Variants in SV2C observed in about 807,000 individuals in gnomAD.
SV2C encodes the protein solute carrier family 22 member B3.
In SV2C, 49 loss-of-function variants were observed where a neutral mutation model predicts 79.7. The observed-to-expected ratio is 0.61, with a 90% CI of 0.49 to 0.78. SV2C has a LOEUF of 0.78. SV2C is among the 30% of genes least tolerant of loss of function. The pLI is 0.00. For missense variants in SV2C, 833 were observed against 912.9 expected (o/e 0.91, Z 1.13); for synonymous variants, 334 against 333.2 (o/e 1.00, Z -0.03).
At chr5:75,950,990 C>A in the SV2C span, among the ~76,000 whole-genome samples, 2 of 151,968 alleles carry the variant, frequency 1.3e-5, no homozygotes, top group African/African-American at 4.8e-5. Flanking sequence ...AAACTAGATT[C>A]CGCTATGCTG....
At chr5:76,224,677 G>A (rs1047014436) in intron 4 of SV2C, among the ~76,000 whole-genome samples, 1 of 151,984 alleles carries the variant, frequency 6.6e-6, no homozygotes, top group Non-Finnish European at 1.5e-5. Context: ...CATATCTTAG[G>A]GTACAAGTTG....
the SV2C span, among the ~76,000 whole-genome samples, chr5:76,062,186 G>C: frequency 6.6e-6 from 1 of 152,130 alleles, no homozygotes; most frequent in South Asian, 2.1e-4. Context: ...TGGTATTATG[G>C]TTTGAATGTT....
chr5:76,055,265 C>T, the SV2C span, among the ~76,000 whole-genome samples: 1 of 152,078 alleles, frequency 6.6e-6, no homozygotes, highest in Non-Finnish European at 1.5e-5. Context: ...AATCCTTTCC[C>T]CATTGCTTGT....
At chr5:76,039,574 G>A in the SV2C span, among the ~76,000 whole-genome samples, 28 of 151,992 alleles carry the variant, frequency 1.8e-4, no homozygotes, top group Non-Finnish European at 3.8e-4. Flanking sequence ...TGGACAACAT[G>A]GTGAAACCCT....
chr5:76,032,516 C>A, the SV2C span, among the ~76,000 whole-genome samples: 3 of 151,980 alleles, frequency 2.0e-5, no homozygotes, highest in Non-Finnish European at 2.9e-5. Flanking sequence ...TTTGTTCTTG[C>A]GATAGTTTAC....
rs191906434 is a variant in SV2C, at chr5:76,261,815, C to G, written c.914-23347C>G. On this transcript the variant is annotated intron_variant, in intron 4 of 12. Transcript: ENST00000502798. Reference sequence around the variant, plus strand: ...AGCCGACTTGATCGTGATGGATAAGCCTTTTCATGTGCTGCTGGATTTGGT... The same window carrying G: ...AGCCGACTTGATCGTGATGGATAAGGCTTTTCATGTGCTGCTGGATTTGGT... Among the ~76,000 whole-genome samples, 268 of 152,254 alleles carry G rather than the reference C, an allele frequency of 1.8e-3. 2 individuals carry two copies. Among genetic ancestry groups the G allele is most frequent in the African/African-American group, 6.0e-3 (248 of 41,556 alleles).
chr5:76,261,783 G>C (rs1746477113), intron 4 of SV2C, among the ~76,000 whole-genome samples: 3 of 152,194 alleles, frequency 2.0e-5, no homozygotes. Context: ...TTGCTTCTCA[G>C]GGATGAAGCC....
chr5:76,309,599 C>CAAAAAA (rs769865757), intron 12 of SV2C, among the ~76,000 whole-genome samples: 1 of 18,704 alleles, frequency 5.3e-5, no homozygotes, highest in Non-Finnish European at 1.4e-4. Context: ...AACTCCATCT[C>CAAAAAA]AAAAAAAAAA....
At chr5:76,167,514 G>A (rs1418344581) in intron 2 of SV2C, among the ~76,000 whole-genome samples, 1 of 152,210 alleles carries the variant, frequency 6.6e-6, no homozygotes, top group Non-Finnish European at 1.5e-5. Flanking sequence ...GGGAAAGCCA[G>A]GATAATAATA....
chr5:75,973,131 A>C, the SV2C span, among the ~76,000 whole-genome samples: 1 of 151,778 alleles, frequency 6.6e-6, no homozygotes, highest in Non-Finnish European at 1.5e-5. Flanking sequence ...AACAATGAGA[A>C]CACATGGACA....
At chr5:75,876,650 G>C in the SV2C span, among the ~76,000 whole-genome samples, 99 of 152,158 alleles carry the variant, frequency 6.5e-4, 1 homozygote, top group South Asian at 2.9e-3. Context: ...AAATTGATAG[G>C]TGTAATATGC....
the SV2C span, among the ~76,000 whole-genome samples, chr5:76,019,658 C>A: frequency 6.6e-6 from 1 of 152,122 alleles, no homozygotes; most frequent in Non-Finnish European, 1.5e-5. Context: ...GGTGAAAAAA[C>A]CCAAGACTCT....
At chr5:76,189,955 A>T (rs1744043278) in intron 2 of SV2C, among the ~76,000 whole-genome samples, 1 of 152,192 alleles carries the variant, frequency 6.6e-6, no homozygotes, top group African/African-American at 2.4e-5. Flanking sequence ...GATTGGTGTT[A>T]AATTAAATGC....
At chr5:76,079,685 G>T, upstream of SV2C, 1 of 337,328 alleles carries the variant, frequency 3.0e-6, no homozygotes. Flanking sequence ...TTGCCTTGTG[G>T]AATTCTCAAA....
the SV2C span, among the ~76,000 whole-genome samples, chr5:75,881,443 G>A: frequency 2.0e-5 from 3 of 152,070 alleles, no homozygotes; most frequent in Admixed American, 1.3e-4. Context: ...TACATTATAT[G>A]TTTATGAAGG....
Position 76,166,402 on chromosome 5 carries a change from T to C in SV2C, c.581-28517T>C, listed in dbSNP as rs535914238. Among the ~76,000 whole-genome samples, 58 of 152,338 alleles carry C rather than the reference T, an allele frequency of 3.8e-4. No individual in the cohort carries two copies. In the South Asian group the frequency reaches 0.012, roughly 32 times the overall value. On this transcript the variant is annotated intron_variant, in intron 2 of 12. Transcript: ENST00000502798. The stretch of plus-strand genomic sequence containing the variant: ...CTATTTGGTAGCTAAACATCTTTGC[T>C]TAGCCAAGATCTGATTGTAAAGAGA...
At chr5:76,284,664 G>C (rs1390185195) in intron 4 of SV2C, among the ~76,000 whole-genome samples, 1 of 152,206 alleles carries the variant, frequency 6.6e-6, no homozygotes, top group Non-Finnish European at 1.5e-5. Context: ...AGGGGGAAGG[G>C]AGAAGGGAAG....
the SV2C span, among the ~76,000 whole-genome samples, chr5:76,076,795 GT>G: frequency 6.6e-5 from 10 of 152,144 alleles, no homozygotes; most frequent in Non-Finnish European, 1.5e-5. Context: ...ATTTTCAGCA[GT>G]CCCCTATATT....
At chr5:75,898,330 T>TG in the SV2C span, among the ~76,000 whole-genome samples, 1 of 152,248 alleles carries the variant, frequency 6.6e-6, no homozygotes, top group African/African-American at 2.4e-5. Context: ...GATAATCATG[T>TG]GGTTTTTGTC....
Sources: allele counts gnomAD v4.1 joint callset (sites outside exome capture counted in the v4.1 genomes callset), GRCh38; gene constraint gnomAD v4.1.1; transcripts MANE v1.5; gene names NCBI Gene and HGNC (gene_info 2026-07-23, HGNC 2026-07-21).